The following TSPOAP1 variants were observed in gnomAD, a reference collection of about 807,000 sequenced individuals.
TSPOAP1 encodes the protein TSPO associated protein 1, also known as peripheral-type benzodiazepine receptor-associated protein 1.
Under a neutral mutation model 197.0 loss-of-function variants are expected in TSPOAP1, and 87 were observed. The ratio of observed to expected loss-of-function variants is 0.44; its 90% CI spans 0.37 to 0.53. The LOEUF (loss-of-function observed/expected upper bound fraction) is 0.53, where lower values mean the gene tolerates loss of function less well. TSPOAP1 is among the 20% of genes least tolerant of loss of function. TSPOAP1 has a pLI of 0.00. For missense variants in TSPOAP1, 2,174 were observed against 2,411.3 expected (o/e 0.90, Z 2.06); for synonymous variants, 913 against 998.9 (o/e 0.91, Z 1.62).
Position 58,319,075 on chromosome 17 carries a change from T to C in TSPOAP1, c.1699+15A>G. 1.3e-6 allele frequency: 2 copies of C among 1,502,104 alleles called. No homozygotes were observed. The highest frequency in any genetic ancestry group is 1.8e-6 in the Non-Finnish European group (2 of 1,117,702). 93.0% of individuals were successfully genotyped at this position (1,502,104 alleles called of 1,614,324 possible). A position where few individuals can be genotyped will look rare whatever the true frequency, so the allele number is the denominator to read the frequency against. On this transcript the variant is annotated intron_variant, in intron 13 of 31. Coordinates refer to ENST00000343736, the MANE Select transcript of TSPOAP1 (RefSeq NM_004758.4). ...CCTGGGGATTCCAGGCCAATGCCACTGGGGTCCACCTTACCTTTGGGGCCA... is the reference window on the plus strand; with the variant it reads ...CCTGGGGATTCCAGGCCAATGCCACCGGGGTCCACCTTACCTTTGGGGCCA...
chr17:58,308,083 T>A, intron 22 of TSPOAP1, 142 bp from the exon 23 acceptor site: 1 of 901,958 alleles, frequency 1.1e-6, no homozygotes, highest in Non-Finnish European at 1.6e-6. Flanking sequence ...CGGCCCAGCC[T>A]GCTGGAGACC....
rs559180159 is a variant in TSPOAP1 at position 58,326,978 on chromosome 17, C to G, written c.334-188G>C. Reference sequence around the variant, plus strand: ...GAAGGAACTGTCCAGTCCTCCCTGTCCACATAGACACCCCCAAACCTGGCA... The same window carrying G: ...GAAGGAACTGTCCAGTCCTCCCTGTGCACATAGACACCCCCAAACCTGGCA... On this transcript the variant is annotated intron_variant, in intron 1 of 31. Coordinates refer to ENST00000343736, the MANE Select transcript of TSPOAP1 (RefSeq NM_004758.4). This position sits in a 1 kb window ranked among gnomAD's most constrained non-coding sequence, Gnocchi z 4.7. Among the ~76,000 whole-genome samples the G allele has an allele frequency of 3.4e-4, 52 of 152,268 alleles. 1 individual carries two copies. Among genetic ancestry groups the G allele is most frequent in the Middle Eastern group, 3.4e-3 (1 of 294 alleles).
chr17:58,312,084 T>C lies in TSPOAP1; in HGVS notation c.2737A>G (p.Ile913Val), dbSNP rs138049459. The part of the protein sequence containing the change: ...VPGNSNLAHA[I>V]YLNGEECPPA... ...GGGCACTCTTCCCCATTGAGGTAGA[T>C]GGCATGGGCCAAGTTGCTATTGCCG... is the stretch of plus-strand genomic sequence containing the variant. Residue 913 changes from isoleucine (I) to valine (V), a missense_variant, in exon 17 of 32, where the codon ATC becomes GTC. Ile to Val is a conservative substitution (Grantham distance 29). Coordinates refer to ENST00000343736, the MANE Select transcript of TSPOAP1 (RefSeq NM_004758.4). 14 of 1,613,280 alleles carry C rather than the reference T, an allele frequency of 8.7e-6. No individual in the cohort carries two copies. Among genetic ancestry groups the C allele is most frequent in the African/African-American group, 1.3e-5 (1 of 74,932 alleles).
At chr17:58,307,786 G>GTGAC in intron 23 of TSPOAP1, 24 bp from the exon 24 acceptor site, 1 of 1,613,846 alleles carries the variant, frequency 6.2e-7, no homozygotes, top group Non-Finnish European at 8.5e-7. Flanking sequence ...GGAGAGGGCG[G>GTGAC]TGACGCAGCG....
Position 58,311,095 on chromosome 17 carries a change from G to GC in TSPOAP1, c.3199dup (p.Ala1067GlyfsTer110). 1 of 1,586,902 alleles carries GC rather than the reference G, an allele frequency of 6.3e-7. No individual in the cohort carries two copies. The highest frequency in any genetic ancestry group is 8.6e-7 in the Non-Finnish European group (1 of 1,167,178). The stretch of plus-strand genomic sequence containing the variant: ...AGTGATAGGAGCCGGGATGGAGTCC[G>GC]CCGACTCCCCGTGGGGCGACATGGT... On this transcript the variant is annotated frameshift_variant, in exon 19 of 32. Coordinates refer to ENST00000343736, the MANE Select transcript of TSPOAP1 (RefSeq NM_004758.4). LOFTEE classifies it high-confidence loss of function.
chr17:58,319,945 G>A (rs1971354731), intron 12 of TSPOAP1, among the ~76,000 whole-genome samples, 164 bp downstream of exon 12: 1 of 152,214 alleles, frequency 6.6e-6, no homozygotes, highest in South Asian at 2.1e-4. Flanking sequence ...CAAGGGGACA[G>A]CCGCACGTGT....
intron 31 of TSPOAP1, chr17:58,302,679 C>T (rs1970750809): frequency 8.5e-6 from 2 of 236,128 alleles, no homozygotes; most frequent in African/African-American, 2.4e-5. Context: ...GATGCAGTCT[C>T]GGTTCTGGAT....
intron 31 of TSPOAP1, 46 bp from the exon 32 acceptor site, chr17:58,302,493 C>T (rs1970746728): frequency 1.7e-6 from 2 of 1,170,072 alleles, no homozygotes; most frequent in African/African-American, 1.6e-5. Context: ...TGATTCCCTC[C>T]TGACCCCCTG....
intron 14 of TSPOAP1, 34 bp from the exon 15 acceptor site, chr17:58,316,574 A>C (rs1377496213): frequency 5.1e-6 from 8 of 1,567,230 alleles, no homozygotes; most frequent in Non-Finnish European, 7.0e-6. Context: ...GTTTCTCTTC[A>C]GGGCCTGGGG....
At chr17:58,320,422 C>T in intron 11 of TSPOAP1, 109 bp downstream of exon 11, 2 of 1,284,828 alleles carry the variant, frequency 1.6e-6, no homozygotes, top group Non-Finnish European at 2.1e-6. Flanking sequence ...TTTAAGGGCC[C>T]CTCCTGCAAC....
At position 58,312,239 on chromosome 17, in the gene TSPOAP1, G is replaced by A; in HGVS notation, c.2582C>T (p.Ala861Val). 2 of 1,612,636 alleles carry A rather than the reference G, an allele frequency of 1.2e-6. No individual in the cohort carries two copies. Among genetic ancestry groups the A allele is most frequent in the Non-Finnish European group, 8.5e-7 (1 of 1,179,734 alleles). Residue 861 changes from alanine (A) to valine (V), a missense_variant, in exon 17 of 32, where the codon GCC (alanine) becomes GTC (valine). By Grantham distance (64) the Ala-to-Val change is moderately conservative. Coordinates refer to ENST00000343736, the MANE Select transcript of TSPOAP1 (RefSeq NM_004758.4). ...GTCAGAGCTGCCCCGGCTAGTCAGG[G>A]CCTGGACAGAAATGTGAAGGGGCCC... ...WAGPLHISVQ[A>V]LTSRGSSDPL...
chr17:58,302,440 C>T lies in TSPOAP1; in HGVS notation c.*40G>A, dbSNP rs1281952428. 3.2e-6 allele frequency: 4 copies of T among 1,245,572 alleles called. No homozygotes were observed. In the East Asian group the frequency reaches 1.7e-4, roughly 54 times the overall value. 77.2% of individuals were successfully genotyped at this position (1,245,572 alleles called of 1,614,324 possible). On this transcript the variant is annotated 3_prime_UTR_variant, in exon 32 of 32. Coordinates refer to ENST00000343736, the MANE Select transcript of TSPOAP1 (RefSeq NM_004758.4). Reference sequence around the variant, plus strand: ...CCCTGGGGACCCTTGTGTGGTGCAGCCCCAGTCCTGAAATGTGAGACAGAA... The same window carrying T: ...CCCTGGGGACCCTTGTGTGGTGCAGTCCCAGTCCTGAAATGTGAGACAGAA...
chr17:58,308,846 A>C lies in TSPOAP1; in HGVS notation c.4426T>G (p.Cys1476Gly). The C allele has an allele frequency of 6.2e-7, 1 of 1,609,478 alleles. No homozygotes were observed. Among genetic ancestry groups the C allele is most frequent in the Non-Finnish European group, 8.5e-7 (1 of 1,177,792 alleles). The change falls in exon 22 of 32, where the codon TGC becomes GGC. Residue 1476 changes from cysteine (C) to glycine (G), a missense_variant. Physicochemically the swap from Cys to Gly is radical, Grantham distance 159 (BLOSUM62 -3). This residue lies in a region of TSPOAP1 where 1,933 missense variants were observed against 2,139.0 expected (regional missense o/e 0.90). Transcript: ENST00000343736. ...GRGRLGPSRR[C>G]SRGRALEPGL... is the part of the protein sequence containing the mutation. ...GGCTCCAGCGCCCGGCCACGGGAGC[A>C]CCTCCGGGAAGGGCCCAGCCGGCCT... is the stretch of plus-strand genomic sequence containing the variant.
chr17:58,314,106 G>C (rs1278702208), intron 16 of TSPOAP1, among the ~76,000 whole-genome samples: 2 of 152,152 alleles, frequency 1.3e-5, no homozygotes, highest in Non-Finnish European at 2.9e-5. Flanking sequence ...GGGGAGAGGG[G>C]TGAGTGTAGG....
chr17:58,326,199 C>CTGA lies in TSPOAP1; in HGVS notation c.570+93_570+94insTCA, dbSNP rs1971598150. Reference sequence around the variant, plus strand: ...GCTTTCCTAGGTGCTGAGCTGAGACCGTGACTCCCAAGCTTCAGACAGCCC... The same window carrying CTGA: ...GCTTTCCTAGGTGCTGAGCTGAGACCTGAGTGACTCCCAAGCTTCAGACAGCCC... On this transcript the variant is annotated intron_variant, in intron 3 of 31. Coordinates refer to ENST00000343736, the MANE Select transcript of TSPOAP1 (RefSeq NM_004758.4). This position sits in a 1 kb window ranked among gnomAD's most constrained non-coding sequence, Gnocchi z 4.7. 3.2e-6 allele frequency: 5 copies of CTGA among 1,553,162 alleles called. No homozygotes were observed. In the Admixed American group the frequency reaches 7.5e-5, roughly 23 times the overall value.
At chr17:58,325,759 C>T (rs1231169985) in intron 3 of TSPOAP1, 46 bp from the exon 4 acceptor site, 5 of 1,538,652 alleles carry the variant, frequency 3.2e-6, no homozygotes, top group Non-Finnish European at 3.5e-6. Context: ...AGGGCTGGGG[C>T]ACTTCTCCCA....
intron 14 of TSPOAP1, 24 bp from the exon 15 acceptor site, chr17:58,316,564 G>A (rs773114206): frequency 6.3e-7 from 1 of 1,586,586 alleles, no homozygotes; most frequent in Admixed American, 1.7e-5. Context: ...GAAAGGGCTG[G>A]TTTCTCTTCA....
rs149061453 is a variant in TSPOAP1, at chr17:58,325,611, G to A, written c.673C>T (p.Leu225=). The change falls in exon 4 of 32, where the codon CTG becomes TTG. Residue 225 remains leucine (L), a synonymous_variant. Transcript: ENST00000343736. Reference sequence around the variant, plus strand: ...GCAGCAATCTGCTTGTCCTTGGCCAGCAGTGCACTGGCTGTCTCACTGAGG... The same window carrying A: ...GCAGCAATCTGCTTGTCCTTGGCCAACAGTGCACTGGCTGTCTCACTGAGG... The part of the protein sequence containing the change: ...RDLSETASAL[L]AKDKQIAALQ... 4 of 1,613,530 alleles carry A rather than the reference G, an allele frequency of 2.5e-6. No homozygotes were observed. The highest frequency in any genetic ancestry group is 1.1e-5 in the South Asian group (1 of 91,080).
Position 58,319,285 on chromosome 17 carries a change from G to C in TSPOAP1, c.1504C>G (p.Arg502Gly), listed in dbSNP as rs1173291107. ...CTGCGGCACTGTTCTTCGAGCTCTC[G>C]AACCCGGGCCTGGGCCAAGACCCAC... The part of the protein sequence containing the change: ...STLDSMQARV[R>G]ELEEQCRSQT... Residue 502 changes from arginine (R) to glycine (G), a missense_variant, in exon 13 of 32, where the codon CGA (arginine) becomes GGA (glycine). Physicochemically the swap from Arg to Gly is moderately radical, Grantham distance 125. Around this residue, in one of 5 missense-constraint regions of TSPOAP1, gnomAD observed 1,933 missense variants for 2,139.0 expected, o/e 0.90. Coordinates refer to ENST00000343736, the MANE Select transcript of TSPOAP1 (RefSeq NM_004758.4). The C allele has an allele frequency of 5.1e-6, 8 of 1,577,830 alleles. No individual in the cohort carries two copies. The highest frequency in any genetic ancestry group is 6.9e-6 in the Non-Finnish European group (8 of 1,161,904).
Sources: allele counts gnomAD v4.1 joint callset (sites outside exome capture counted in the v4.1 genomes callset), GRCh38; gene constraint gnomAD v4.1.1; regional missense constraint gnomAD v4.1.1; non-coding constraint Gnocchi (gnomAD v3.1); transcripts MANE v1.5; gene names NCBI Gene and HGNC (gene_info 2026-07-23, HGNC 2026-07-21).